The following KYAT3 variants were observed in gnomAD, a reference collection of about 807,000 sequenced individuals.
KYAT3 encodes the protein kynurenine--oxoglutarate transaminase 3.
In KYAT3, 50 loss-of-function variants were observed where a neutral mutation model predicts 59.0. That is an observed-to-expected ratio of 0.85 (90% CI 0.68 to 1.07). The LOEUF (loss-of-function observed/expected upper bound fraction) is 1.07. Among genes scored for constraint, KYAT3 ranks in the 50% least tolerant of loss-of-function variants. The pLI is 0.00. For synonymous variants in KYAT3, 148 were observed against 177.0 expected (o/e 0.84, Z 1.30); for missense variants, 497 against 533.3 (o/e 0.93, Z 0.67).
intron 2 of KYAT3, among the ~76,000 whole-genome samples, chr1:88,984,920 G>T (rs1456257897): frequency 6.6e-6 from 1 of 152,184 alleles, no homozygotes; most frequent in Non-Finnish European, 1.5e-5. Flanking sequence ...CTTTCCATAT[G>T]TACTGGTTAT....
chr1:88,951,605 G>A (rs1675677522), intron 10 of KYAT3, among the ~76,000 whole-genome samples: 1 of 150,254 alleles, frequency 6.7e-6, no homozygotes, highest in South Asian at 2.1e-4. Context: ...ATAGAATGAT[G>A]GTAACTAAAT....
In KYAT3 at chr1:88,988,257, A is replaced by C. The variant is rs1164476458; in HGVS notation, c.94T>G (p.Ser32Ala). The part of the protein sequence containing the change: ...SSSKILGFST[S>A]AKMSLKFTNA... ...TGTAAGTAAGCAATACCTACAGCAG[A>C]AGTAGAGAATCCGAGGATTTTGGAA... is the stretch of plus-strand genomic sequence containing the variant. The change falls in exon 2 of 14, where the codon TCT (serine) becomes GCT (alanine). Residue 32 changes from serine (S) to alanine (A), a missense_variant. Physicochemically the swap from Ser to Ala is moderately conservative, Grantham distance 99 (BLOSUM62 1). This residue lies in a region of KYAT3 where 469 missense variants were observed against 479.1 expected (regional missense o/e 0.98). Transcript: ENST00000260508. 1 of 1,609,704 alleles carries C rather than the reference A, an allele frequency of 6.2e-7. No homozygotes were observed. The highest frequency in any genetic ancestry group is 1.7e-5 in the Admixed American group (1 of 60,018).
intron 8 of KYAT3, 137 bp from the exon 9 acceptor site, chr1:88,955,362 T>G: frequency 1.8e-6 from 1 of 546,808 alleles, no homozygotes; most frequent in South Asian, 2.6e-5. Flanking sequence ...TATTTCTAGT[T>G]TTTTTTTTAG....
At chr1:88,956,322 A>G (rs1675914091) in intron 8 of KYAT3, among the ~76,000 whole-genome samples, 1 of 152,190 alleles carries the variant, frequency 6.6e-6, no homozygotes, top group Admixed American at 6.5e-5. Flanking sequence ...AATTACACAT[A>G]TATTTTAGGA....
intron 8 of KYAT3, among the ~76,000 whole-genome samples, chr1:88,960,928 G>GA (rs1676114074): frequency 1.3e-5 from 2 of 152,202 alleles, no homozygotes. Context: ...ATGGGCAAAA[G>GA]AACTACTTTT....
At chr1:88,962,328 A>G (rs780477973) in intron 5 of KYAT3, among the ~76,000 whole-genome samples, 183 bp from the exon 6 acceptor site, 1 of 152,180 alleles carries the variant, frequency 6.6e-6, no homozygotes, top group Non-Finnish European at 1.5e-5. Context: ...TTGTCCAGGT[A>G]GTCTTAATTG....
intron 6 of KYAT3, among the ~76,000 whole-genome samples, 170 bp downstream of exon 6, chr1:88,961,889 T>C (rs1378160091): frequency 1.3e-5 from 2 of 152,260 alleles, no homozygotes; most frequent in Non-Finnish European, 2.9e-5. Flanking sequence ...CTCACCTTAG[T>C]GTATTACTTA....
At chr1:88,987,386 A>G (rs757948581) in intron 2 of KYAT3, among the ~76,000 whole-genome samples, 3 of 152,228 alleles carry the variant, frequency 2.0e-5, no homozygotes, top group Non-Finnish European at 2.9e-5. Context: ...GGTAGAATTC[A>G]TAAGATTTAC....
Position 88,961,197 on chromosome 1 carries a change from C to G in KYAT3, c.757G>C (p.Val253Leu). ...CISDEVYEWL[V>L]YSGNKHLKIA... ...TTTAAGTGCTTATTTCCAGAATATACAAGCCATTCATAAACCTCATCGCTG... is the reference window on the plus strand; with the variant it reads ...TTTAAGTGCTTATTTCCAGAATATAGAAGCCATTCATAAACCTCATCGCTG... Residue 253 changes from valine (V) to leucine (L), a missense_variant, in exon 8 of 14, where the codon GTA becomes CTA. By Grantham distance (32) the Val-to-Leu change is conservative. Around this residue, in one of 2 missense-constraint regions of KYAT3, gnomAD observed 469 missense variants for 479.1 expected, o/e 0.98. Coordinates refer to ENST00000260508, the MANE Select transcript of KYAT3 (RefSeq NM_001008661.3). 1 of 1,613,498 alleles carries G rather than the reference C, an allele frequency of 6.2e-7. No homozygotes were observed. The highest frequency in any genetic ancestry group is 8.5e-7 in the Non-Finnish European group (1 of 1,179,800).
At chr1:88,946,682 A>G (rs2101023199) in intron 11 of KYAT3, among the ~76,000 whole-genome samples, 1 of 152,312 alleles carries the variant, frequency 6.6e-6, no homozygotes, top group East Asian at 1.9e-4. Flanking sequence ...TTATCATTTC[A>G]TAAAATGAAC....
At chr1:88,987,339 G>A (rs1033063577) in intron 2 of KYAT3, among the ~76,000 whole-genome samples, 2 of 152,022 alleles carry the variant, frequency 1.3e-5, no homozygotes, top group Non-Finnish European at 2.9e-5. Flanking sequence ...AGGTGGTCAC[G>A]GTGGCATAAA....
At chr1:88,988,464 A>C in intron 1 of KYAT3, 113 bp from the exon 2 acceptor site, 1 of 564,514 alleles carries the variant, frequency 1.8e-6, no homozygotes, top group South Asian at 3.2e-5. Context: ...CCAAGTAAAC[A>C]TTTTTGATAA....
chr1:88,965,000 C>T (rs200940299), intron 4 of KYAT3, 22 bp from the exon 5 acceptor site: 2 of 1,577,944 alleles, frequency 1.3e-6, no homozygotes, highest in Non-Finnish European at 8.6e-7. Context: ...AAAATAAGAA[C>T]AAAACCTTGA....
chr1:88,983,270 C>T, intron 2 of KYAT3: 1 of 1,613,760 alleles, frequency 6.2e-7, no homozygotes, highest in Non-Finnish European at 8.5e-7. Flanking sequence ...ACTATCTCTT[C>T]CACGTGATAG....
In KYAT3 at chr1:88,982,819, TGAGTA is replaced by T. The variant is rs761985269; in HGVS notation, c.99+5428_99+5432del. On this transcript the variant is annotated intron_variant, in intron 2 of 13. Coordinates refer to ENST00000260508, the MANE Select transcript of KYAT3 (RefSeq NM_001008661.3). ...CTTGTCTGCCAACCCTGTCACAACT[TGAGTA>T]GAGATCACTTCGGCTGCTTGAGTAA... 3 of 1,613,834 alleles carry T rather than the reference TGAGTA, an allele frequency of 1.9e-6. No individual in the cohort carries two copies. The East Asian group carries it at 6.7e-5, about 36-fold the overall frequency.
At chr1:88,959,057 C>G (rs927720876) in intron 8 of KYAT3, among the ~76,000 whole-genome samples, 4 of 152,008 alleles carry the variant, frequency 2.6e-5, no homozygotes, top group Non-Finnish European at 5.9e-5. Flanking sequence ...GCAGGAGGAT[C>G]GCTTGAGTCT....
chr1:88,934,193 G>T (rs369296235), downstream of KYAT3, among the ~76,000 whole-genome samples: 8 of 152,292 alleles, frequency 5.3e-5, no homozygotes, highest in East Asian at 1.9e-4. Context: ...GGTGGCTCAT[G>T]CCTATAATTC....
intron 2 of KYAT3, chr1:88,984,134 AG>A (rs1677292260): frequency 2.4e-6 from 1 of 420,284 alleles, no homozygotes; most frequent in African/African-American, 2.0e-5. Context: ...AGATGCTTAA[AG>A]ATACATAAAA....
intron 12 of KYAT3, 49 bp downstream of exon 12, chr1:88,943,301 A>T (rs1354218972): frequency 8.3e-7 from 1 of 1,208,506 alleles, no homozygotes; most frequent in Non-Finnish European, 1.2e-6. Flanking sequence ...TTCCTTCAAA[A>T]ATTAACTATA....
Sources: gnomAD v4.1 joint callset for allele counts (sites outside exome capture counted in the v4.1 genomes callset) on GRCh38, gnomAD v4.1.1 for gene constraint, gnomAD v4.1.1 regional missense constraint, MANE v1.5 for transcripts, NCBI Gene and HGNC (gene_info 2026-07-23, HGNC 2026-07-21) for gene names.